Variants in RNF13 observed in about 807,000 individuals in gnomAD.
The protein encoded by RNF13 is ring finger protein 13.
Under a neutral mutation model 37.7 loss-of-function variants are expected in RNF13, and 19 were observed. The ratio of observed to expected loss-of-function variants is 0.50; its 90% confidence interval spans 0.35 to 0.74. The LOEUF is 0.74. Ranked by LOEUF, RNF13 falls within the 30% of genes least tolerant of loss-of-function variation. The pLI, the probability that RNF13 is intolerant of heterozygous loss-of-function variation, is 0.01. For missense variants in RNF13, 375 were observed against 453.0 expected, an observed-to-expected ratio of 0.83 and a Z score of 1.56; for synonymous variants, 144 against 157.8, an observed-to-expected ratio of 0.91 and a Z score of 0.65.
chr3:149,930,795 G>T (rs1020870622), intron 8 of RNF13, among the ~76,000 whole-genome samples: 1 of 152,122 alleles, frequency 6.6e-6, no homozygotes, highest in African/African-American at 2.4e-5. Context: ...TCGGCAGATT[G>T]TGCCTTTCTG....
chr3:149,939,299 A>G, intron 8 of RNF13: 1 of 461,728 alleles, frequency 2.2e-6, no homozygotes, highest in Admixed American at 2.6e-5. Context: ...CATCATCGTC[A>G]TTTTCATCAT....
chr3:149,958,765 C>G (rs1722104523), intron 8 of RNF13, among the ~76,000 whole-genome samples: 1 of 152,188 alleles, frequency 6.6e-6, no homozygotes, highest in African/African-American at 2.4e-5. Flanking sequence ...CTTTAGTCTT[C>G]TAATAGTTGA....
At chr3:149,914,309 T>TG (rs974767595) in intron 7 of RNF13, among the ~76,000 whole-genome samples, 2 of 152,144 alleles carry the variant, frequency 1.3e-5, no homozygotes, top group Non-Finnish European at 2.9e-5. Context: ...CAGGGAGTCA[T>TG]GTTTTTTTTA....
chr3:149,864,679 A>G (rs1724621318), intron 3 of RNF13, among the ~76,000 whole-genome samples: 1 of 152,206 alleles, frequency 6.6e-6, no homozygotes, highest in African/African-American at 2.4e-5. Context: ...CTGACAAATC[A>G]GTACTGTGTT....
chr3:149,873,572 T>A lies in RNF13; in HGVS notation c.321+1418T>A, dbSNP rs1200237175. On this transcript the variant is annotated intron_variant, in intron 4 of 9. Transcript: ENST00000392894. ...AGCCATACTGCCTACCTGAACTCTC[T>A]CAACTGGCTGTGCCATGCTGATCAT... 2.0e-5 allele frequency among the ~76,000 whole-genome samples: 3 copies of A among 152,172 alleles called. No individual in the cohort carries two copies. The East Asian group carries it at 5.8e-4, about 29-fold the overall frequency.
At chr3:149,872,719 C>T (rs1187699115) in intron 4 of RNF13, among the ~76,000 whole-genome samples, 1 of 152,222 alleles carries the variant, frequency 6.6e-6, no homozygotes, top group African/African-American at 2.4e-5. Context: ...TGGACTACCT[C>T]AGAGCTGAGT....
chr3:149,942,021 T>C (rs973165698), intron 8 of RNF13, among the ~76,000 whole-genome samples: 11 of 151,968 alleles, frequency 7.2e-5, no homozygotes, highest in African/African-American at 2.4e-4. Context: ...TTTGGCCATA[T>C]ATACAAGGGT....
chr3:149,822,702 A>C (rs1456833606), intron 1 of RNF13: 1 of 152,114 alleles, frequency 6.6e-6, no homozygotes. Flanking sequence ...GGTCATTATT[A>C]AAGAAGGTAG....
rs151178354 is a variant in RNF13, at chr3:149,824,235, G to A, written c.-17+10882G>A. Reference sequence around the variant, plus strand: ...GTTGCCAAGAAATGTGATAATTACCGTGGTAGGCAGAATAATGACTGCCCA... The same window carrying A: ...GTTGCCAAGAAATGTGATAATTACCATGGTAGGCAGAATAATGACTGCCCA... On this transcript the variant is annotated intron_variant, in intron 1 of 9. Coordinates refer to ENST00000392894, the MANE Select transcript of RNF13 (RefSeq NM_183381.3). 2.3e-4 allele frequency among the ~76,000 whole-genome samples: 35 copies of A among 152,328 alleles called. 2 individuals carry two copies. In the East Asian group the frequency reaches 6.0e-3, roughly 26 times the overall value.
chr3:149,947,815 G>GC (rs1720919759), intron 8 of RNF13, among the ~76,000 whole-genome samples: 1 of 151,964 alleles, frequency 6.6e-6, no homozygotes, highest in Non-Finnish European at 1.5e-5. Context: ...ATTATATAAT[G>GC]CCCCCGTTTT....
In RNF13 at chr3:149,943,309, C is replaced by A. The variant is rs535720848; in HGVS notation, c.701-16747C>A. Among the ~76,000 whole-genome samples the A allele has an allele frequency of 5.7e-4, 86 of 151,920 alleles. 1 individual carries two copies. Among genetic ancestry groups the A allele is most frequent in the African/African-American group, 2.0e-3 (84 of 41,424 alleles). On this transcript the variant is annotated intron_variant, in intron 8 of 9. Coordinates refer to ENST00000392894, the MANE Select transcript of RNF13 (RefSeq NM_183381.3). ...GAATGTACTGAGATATCCCAATATC[C>A]CCTGCCCTCACACAGGCAAAGCCTT...
chr3:149,825,302 G>A (rs1720389878), intron 1 of RNF13, among the ~76,000 whole-genome samples: 1 of 151,824 alleles, frequency 6.6e-6, no homozygotes, highest in Non-Finnish European at 1.5e-5. Context: ...TAAGTAGCCG[G>A]GATTACAGGC....
intron 1 of RNF13, among the ~76,000 whole-genome samples, chr3:149,828,571 T>C (rs1720722339): frequency 2.0e-5 from 3 of 152,234 alleles, no homozygotes; most frequent in Admixed American, 1.3e-4. Flanking sequence ...TTGTTTGCTG[T>C]GTGGCTTATT....
intron 8 of RNF13, among the ~76,000 whole-genome samples, chr3:149,953,208 A>C (rs966462321): frequency 1.3e-5 from 2 of 152,116 alleles, no homozygotes; most frequent in Admixed American, 1.3e-4. Flanking sequence ...GGATTTATTT[A>C]TGGCCTCTAA....
At chr3:149,946,723 A>G (rs1381437378) in intron 8 of RNF13, among the ~76,000 whole-genome samples, 1 of 152,050 alleles carries the variant, frequency 6.6e-6, no homozygotes. Flanking sequence ...GCAGCTAAAG[A>G]TTTGCTAATT....
intron 9 of RNF13, 120 bp from the exon 10 acceptor site, chr3:149,960,620 T>TA (rs1722308403): frequency 2.1e-6 from 2 of 952,112 alleles, no homozygotes; most frequent in South Asian, 4.9e-5. Context: ...AAATAAAAAA[T>TA]AAACTTTCTT....
chr3:149,900,808 G>GT (rs1380611413), intron 5 of RNF13, among the ~76,000 whole-genome samples: 1 of 151,822 alleles, frequency 6.6e-6, no homozygotes, highest in Non-Finnish European at 1.5e-5. Context: ...GGGCTTACAT[G>GT]TTTTTTTCTG....
intron 4 of RNF13, among the ~76,000 whole-genome samples, chr3:149,874,959 GT>G (rs1208962853): frequency 5.9e-5 from 9 of 152,020 alleles, no homozygotes; most frequent in Non-Finnish European, 1.3e-4. Context: ...GTTATATACA[GT>G]TTTATATTAA....
chr3:149,934,686 A>T, intron 8 of RNF13, among the ~76,000 whole-genome samples: 1 of 148,960 alleles, frequency 6.7e-6, no homozygotes, highest in Non-Finnish European at 1.5e-5. Context: ...GCAGTGTCTC[A>T]CTCTTTGGCT....
Sources: gnomAD v4.1 joint callset for allele counts (sites outside exome capture counted in the v4.1 genomes callset) on GRCh38, gnomAD v4.1.1 for gene constraint, MANE v1.5 for transcripts, NCBI Gene and HGNC (gene_info 2026-07-23, HGNC 2026-07-21) for gene names.